The following SFSWAP variants were observed in gnomAD, a reference collection of about 807,000 sequenced individuals.
SFSWAP encodes the protein splicing factor SWAP.
A neutral mutation model predicts 100.7 loss-of-function variants in SFSWAP; 17 were observed. The ratio of observed to expected loss-of-function variants is 0.17; its 90% CI spans 0.12 to 0.25. The LOEUF is 0.25. Ranked by LOEUF, SFSWAP falls within the 10% of genes least tolerant of loss-of-function variation. The pLI, the probability that SFSWAP is intolerant of heterozygous loss-of-function variation, is 1.00. For missense variants in SFSWAP, 1,005 were observed against 1,262.6 expected, an observed-to-expected ratio of 0.80 and a Z score of 3.09; for synonymous variants, 504 against 510.1, an observed-to-expected ratio of 0.99 and a Z score of 0.16.
Position 131,730,870 on chromosome 12 carries a change from C to T in SFSWAP, c.1081+2442C>T, listed in dbSNP as rs1427736214. Among the ~76,000 whole-genome samples the T allele has an allele frequency of 6.6e-6, 1 of 152,156 alleles. No individual in the cohort carries two copies. Among genetic ancestry groups the T allele is most frequent in the African/African-American group, 2.4e-5 (1 of 41,424 alleles). ...TGTTTTGAAACTCATCGTCTCCCCT[C>T]GACACAGCAAGAGTAGTGGATACAC... is the stretch of plus-strand genomic sequence containing the variant. On this transcript the variant is annotated intron_variant, in intron 7 of 17. Transcript: ENST00000261674. The surrounding 1 kb of genome is among the most constrained non-coding windows in gnomAD (Gnocchi z 4.0).
At chr12:131,739,271 A>G (rs886769181) in intron 7 of SFSWAP, among the ~76,000 whole-genome samples, 3 of 152,172 alleles carry the variant, frequency 2.0e-5, no homozygotes, top group Non-Finnish European at 4.4e-5. Flanking sequence ...GAGTATGTGC[A>G]TTTGTTTAAA....
intron 13 of SFSWAP, among the ~76,000 whole-genome samples, chr12:131,776,489 T>A (rs1355908946): frequency 6.6e-6 from 1 of 152,272 alleles, no homozygotes; most frequent in Non-Finnish European, 1.5e-5. Context: ...TCTGCTGAAT[T>A]GCTTTTGATC....
At chr12:131,799,382 C>G (rs780671946) in intron 17 of SFSWAP, 41 bp from the exon 18 acceptor site, 1 of 1,597,934 alleles carries the variant, frequency 6.3e-7, no homozygotes, top group South Asian at 1.1e-5. Context: ...GTTGTCTGGC[C>G]AGGTCTTCAC....
In SFSWAP at chr12:131,734,305, T is replaced by G. The variant is rs1369412586; in HGVS notation, c.1081+5877T>G. Among the ~76,000 whole-genome samples, 1 of 152,228 alleles carries G rather than the reference T, an allele frequency of 6.6e-6. No individual in the cohort carries two copies. The highest frequency in any genetic ancestry group is 1.9e-4 in the East Asian group (1 of 5,194). On this transcript the variant is annotated intron_variant, in intron 7 of 17. Coordinates refer to ENST00000261674, the MANE Select transcript of SFSWAP (RefSeq NM_004592.4). The surrounding 1 kb of genome is among the most constrained non-coding windows in gnomAD (Gnocchi z 4.9). Reference sequence around the variant, plus strand: ...AACTTAGAATAGCAAAGTTACAGACTTTGGATTCTTACGAAGACAAGAATG... The same window carrying G: ...AACTTAGAATAGCAAAGTTACAGACGTTGGATTCTTACGAAGACAAGAATG...
At chr12:131,749,165 G>A (rs1881397865) in intron 7 of SFSWAP, among the ~76,000 whole-genome samples, 2 of 152,348 alleles carry the variant, frequency 1.3e-5, no homozygotes, top group African/African-American at 4.8e-5. Flanking sequence ...TAAGGCAGGT[G>A]AGGCTGTGCC....
At chr12:131,770,745 G>A (rs971211145) in intron 13 of SFSWAP, among the ~76,000 whole-genome samples, 12 of 152,054 alleles carry the variant, frequency 7.9e-5, no homozygotes, top group African/African-American at 2.9e-4. Flanking sequence ...AGTTTATGCT[G>A]GCATTAAGTA....
intron 12 of SFSWAP, 48 bp downstream of exon 12, chr12:131,764,734 T>C: frequency 2.2e-6 from 3 of 1,368,510 alleles, no homozygotes; most frequent in Non-Finnish European, 3.0e-6. Context: ...AATACACAAA[T>C]ATAAGATTTA....
intron 13 of SFSWAP, among the ~76,000 whole-genome samples, chr12:131,777,282 T>A (rs1410185563): frequency 6.6e-6 from 1 of 152,178 alleles, no homozygotes; most frequent in Non-Finnish European, 1.5e-5. Context: ...CCTAATGCTA[T>A]CCCTCCCCGC....
rs969205042 is a variant in SFSWAP, at chr12:131,730,301, C to G, written c.1081+1873C>G. 2.6e-5 allele frequency among the ~76,000 whole-genome samples: 4 copies of G among 152,258 alleles called. No individual in the cohort carries two copies. Among genetic ancestry groups the G allele is most frequent in the Non-Finnish European group, 5.9e-5 (4 of 68,042 alleles). ...GGACCATCCCTCTGCTTCCTCCTTT[C>G]CTTTTCCAAGCCTGTCGTTGAGTTT... On this transcript the variant is annotated intron_variant, in intron 7 of 17. Coordinates refer to ENST00000261674, the MANE Select transcript of SFSWAP (RefSeq NM_004592.4). This position sits in a 1 kb window ranked among gnomAD's most constrained non-coding sequence, Gnocchi z 4.0.
chr12:131,750,270 C>T (rs775937729), intron 7 of SFSWAP, among the ~76,000 whole-genome samples: 1 of 152,226 alleles, frequency 6.6e-6, no homozygotes, highest in Non-Finnish European at 1.5e-5. Flanking sequence ...GGTTCCCGGG[C>T]TGCCTCCGAG....
At chr12:131,748,615 G>C (rs934606799) in intron 7 of SFSWAP, among the ~76,000 whole-genome samples, 4 of 152,158 alleles carry the variant, frequency 2.6e-5, no homozygotes, top group African/African-American at 9.7e-5. Flanking sequence ...GCAGAGATAC[G>C]AGAGAACTGG....
chr12:131,711,463 C>G lies in SFSWAP; in HGVS notation c.218+16C>G. On this transcript the variant is annotated intron_variant, in intron 1 of 17. Transcript: ENST00000261674. This position sits in a 1 kb window ranked among gnomAD's most constrained non-coding sequence, Gnocchi z 4.9. ...TCATCGACAGGTCGGTTCCTCTCCC[C>G]ACCCGTCGATCCTTCCCTTCCCTCA... The G allele has an allele frequency of 6.3e-7, 1 of 1,593,286 alleles. No individual in the cohort carries two copies. Among genetic ancestry groups the G allele is most frequent in the East Asian group, 2.2e-5 (1 of 44,760 alleles).
intron 14 of SFSWAP, among the ~76,000 whole-genome samples, chr12:131,781,912 G>C (rs1884535644): frequency 6.6e-6 from 1 of 152,180 alleles, no homozygotes; most frequent in Admixed American, 6.5e-5. Flanking sequence ...AACCTTCCAG[G>C]TGTTGGATTG....
intron 7 of SFSWAP, among the ~76,000 whole-genome samples, chr12:131,742,568 G>T (rs1245639208): frequency 6.6e-6 from 1 of 151,478 alleles, no homozygotes; most frequent in Non-Finnish European, 1.5e-5. Context: ...CATCACTACA[G>T]AAATCATTCA....
intron 7 of SFSWAP, among the ~76,000 whole-genome samples, chr12:131,749,184 C>G (rs1271976851): frequency 1.3e-5 from 2 of 152,172 alleles, no homozygotes; most frequent in Non-Finnish European, 2.9e-5. Flanking sequence ...CCATGGTGTT[C>G]GGTGGGTTAT....
intron 15 of SFSWAP, chr12:131,796,937 G>T: frequency 2.2e-6 from 1 of 451,168 alleles, no homozygotes; most frequent in Non-Finnish European, 3.9e-6. Flanking sequence ...TAAATAAAAT[G>T]CTGGTTGCAT....
chr12:131,782,276 A>T (rs1884562110), intron 14 of SFSWAP, among the ~76,000 whole-genome samples: 1 of 152,214 alleles, frequency 6.6e-6, no homozygotes, highest in South Asian at 2.1e-4. Context: ...ACTGGCTGCA[A>T]ACCTGCCTCC....
intron 3 of SFSWAP, among the ~76,000 whole-genome samples, chr12:131,718,233 G>C (rs1444457221): frequency 6.6e-6 from 1 of 152,210 alleles, no homozygotes; most frequent in Non-Finnish European, 1.5e-5. Flanking sequence ...AATGAGGTTT[G>C]ACAGGAGATC....
chr12:131,759,809 AAAAAAAG>A (rs1239555478), intron 11 of SFSWAP, among the ~76,000 whole-genome samples: 10 of 152,030 alleles, frequency 6.6e-5, no homozygotes, highest in African/African-American at 2.4e-4. Flanking sequence ...CTCAAAAAAA[AAAAAAAG>A]AAAAAAGAAA....
Sources: gnomAD v4.1 joint callset for allele counts (sites outside exome capture counted in the v4.1 genomes callset) on GRCh38, gnomAD v4.1.1 for gene constraint, Gnocchi (gnomAD v3.1) non-coding constraint, MANE v1.5 for transcripts, NCBI Gene and HGNC (gene_info 2026-07-23, HGNC 2026-07-21) for gene names.